Variants in SLAMF7 observed in about 807,000 individuals in gnomAD.
SLAMF7 encodes the protein 19A24 protein.
A neutral mutation model predicts 34.1 loss-of-function variants in SLAMF7; 26 were observed. That is an observed-to-expected ratio of 0.76 (90% CI 0.56 to 1.06). SLAMF7 has a LOEUF of 1.06. Ranked by LOEUF, SLAMF7 falls within the 50% of genes least tolerant of loss-of-function variation. The probability of loss-of-function intolerance (pLI) is 0.00; values close to 1 mark genes in which losing one functional copy is unlikely to be tolerated. For synonymous variants in SLAMF7, 171 were observed against 156.4 expected, an observed-to-expected ratio of 1.09 and a Z score of -0.70; for missense variants, 399 against 402.5, an observed-to-expected ratio of 0.99 and a Z score of 0.07.
chr1:160,749,377 G>A (rs1268508313), intron 2 of SLAMF7, among the ~76,000 whole-genome samples: 1 of 152,204 alleles, frequency 6.6e-6, no homozygotes, highest in Admixed American at 6.5e-5. Flanking sequence ...AGGGGAGTGA[G>A]CACAGAGTAG....
chr1:160,750,428 A>C lies in SLAMF7; in HGVS notation c.769+5A>C. 1 of 1,612,778 alleles carries C rather than the reference A, an allele frequency of 6.2e-7. No individual in the cohort carries two copies. The highest frequency in any genetic ancestry group is 8.5e-7 in the Non-Finnish European group (1 of 1,179,426). On this transcript the variant is annotated splice_donor_5th_base_variant and intron_variant, in intron 4 of 6. Transcript: ENST00000368043. ...TGAAGAGAGAGAGACAAGAAGGTAG[A>C]GCGTGTACTATTTTTGTCCTCACCC... is the stretch of plus-strand genomic sequence containing the variant.
Position 160,749,860 on chromosome 1 carries a change from G to A in SLAMF7, c.416G>A (p.Ser139Asn), listed in dbSNP as rs1472873299. The A allele has an allele frequency of 2.5e-6, 4 of 1,612,664 alleles. No homozygotes were observed. The highest frequency in any genetic ancestry group is 1.7e-5 in the Admixed American group (1 of 59,868). Reference sequence around the variant, plus strand: ...CCTAAAGTCACCATGGGTCTGCAGAGCAATAAGAATGGCACCTGTGTGACC... The same window carrying A: ...CCTAAAGTCACCATGGGTCTGCAGAACAATAAGAATGGCACCTGTGTGACC... ...SKPKVTMGLQSNKNGTCVTNL... is the reference protein window; with the variant it reads ...SKPKVTMGLQNNKNGTCVTNL... Residue 139 changes from serine (S) to asparagine (N), a missense_variant, in exon 3 of 7, where the codon AGC becomes AAC. Coordinates refer to ENST00000368043, the MANE Select transcript of SLAMF7 (RefSeq NM_021181.5).
chr1:160,747,037 G>A (rs970554317), intron 1 of SLAMF7, among the ~76,000 whole-genome samples: 1 of 152,176 alleles, frequency 6.6e-6, no homozygotes, highest in African/African-American at 2.4e-5. Context: ...TTGCTTAAAT[G>A]AGCTCAATTA....
chr1:160,752,077 C>G, intron 5 of SLAMF7, 109 bp from the exon 6 acceptor site: 1 of 851,660 alleles, frequency 1.2e-6, no homozygotes, highest in Non-Finnish European at 1.9e-6. Context: ...CTCACATCTC[C>G]TCCCATCTCT....
intron 1 of SLAMF7, 32 bp downstream of exon 1, chr1:160,739,388 T>C: frequency 6.3e-7 from 1 of 1,594,226 alleles, no homozygotes; most frequent in African/African-American, 1.3e-5. Flanking sequence ...TCCACTCTCC[T>C]GTCTACCCCA....
intron 6 of SLAMF7, among the ~76,000 whole-genome samples, chr1:160,752,525 G>A (rs2101687305): frequency 6.6e-6 from 1 of 152,328 alleles, no homozygotes; most frequent in South Asian, 2.1e-4. Flanking sequence ...TCTGACTGAA[G>A]TTGCAGACAA....
chr1:160,751,628 C>T, intron 5 of SLAMF7, 180 bp downstream of exon 5: 1 of 554,422 alleles, frequency 1.8e-6, no homozygotes, highest in Non-Finnish European at 3.2e-6. Context: ...GCAGAAGAAG[C>T]TGGTGGTCTC....
intron 1 of SLAMF7, among the ~76,000 whole-genome samples, chr1:160,743,636 G>A (rs575793188): frequency 6.6e-6 from 1 of 152,370 alleles, no homozygotes; most frequent in African/African-American, 2.4e-5. Flanking sequence ...GTTGGCACCT[G>A]AGGAGAGTGG....
rs563226765 is a variant in SLAMF7, at chr1:160,747,878, G to A, written c.56-316G>A. On this transcript the variant is annotated intron_variant, in intron 1 of 6. Transcript: ENST00000368043. ...AATGCTCAGCTGGCCACTTCTGGAA[G>A]TTTCTTCAGCAGACATTCTTAACTG... Among the ~76,000 whole-genome samples, 106 of 143,520 alleles carry A rather than the reference G, an allele frequency of 7.4e-4. 1 individual carries two copies. The highest frequency in any genetic ancestry group is 1.1e-3 in the Non-Finnish European group (72 of 65,680). 94.2% of individuals were successfully genotyped at this position (143,520 alleles called of 152,430 possible). A position where few individuals can be genotyped will look rare whatever the true frequency, so the allele number is the denominator to read the frequency against.
intron 1 of SLAMF7, among the ~76,000 whole-genome samples, chr1:160,742,842 A>G (rs1663852328): frequency 6.6e-6 from 1 of 152,210 alleles, no homozygotes; most frequent in Non-Finnish European, 1.5e-5. Context: ...CTTAGGCTGT[A>G]TCTCACGGGG....
chr1:160,742,362 A>G (rs1342987171), intron 1 of SLAMF7, among the ~76,000 whole-genome samples: 2 of 152,140 alleles, frequency 1.3e-5, no homozygotes, highest in Non-Finnish European at 2.9e-5. Context: ...CGGGGGATGT[A>G]GTGGGGAATG....
In SLAMF7 at chr1:160,750,413, G is replaced by T; in HGVS notation, c.759G>T (p.Glu253Asp). The part of the protein sequence containing the change: ...LGLFLWFLKR[E>D]RQEEYIEEKK... ...TATTTCTTTGGTTTCTGAAGAGAGA[G>T]AGACAAGAAGGTAGAGCGTGTACTA... Residue 253 changes from glutamate (E) to aspartate (D), a missense_variant, in exon 4 of 7, where the codon GAG (glutamate) becomes GAT (aspartate). By Grantham distance (45) the Glu-to-Asp change is conservative. Transcript: ENST00000368043. 6.2e-7 allele frequency: 1 copy of T among 1,613,790 alleles called. No homozygotes were observed. Among genetic ancestry groups the T allele is most frequent in the Non-Finnish European group, 8.5e-7 (1 of 1,179,840 alleles).
intron 1 of SLAMF7, among the ~76,000 whole-genome samples, chr1:160,743,913 TCCTGACCTCAAGTGATCCTCCTGCTTCAG>T (rs1663937060): frequency 6.6e-6 from 1 of 152,206 alleles, no homozygotes; most frequent in Non-Finnish European, 1.5e-5. Flanking sequence ...GGTCTCAAAC[TCCTGACCTCAAGTGATCCTCCTGCTTCAG>T]CCTCCCAAAG....
chr1:160,743,027 G>A (rs3845629), intron 1 of SLAMF7, among the ~76,000 whole-genome samples: 1,693 of 152,284 alleles, frequency 0.011, 34 homozygotes, highest in African/African-American at 0.039. Flanking sequence ...GCTGGAGGAG[G>A]AGAAGCGACC....
At chr1:160,741,137 G>T (rs186568586) in intron 1 of SLAMF7, among the ~76,000 whole-genome samples, 2 of 152,154 alleles carry the variant, frequency 1.3e-5, no homozygotes, top group Non-Finnish European at 2.9e-5. Flanking sequence ...ACCAACAGGG[G>T]GCCACCCTGG....
In SLAMF7 at chr1:160,751,432, C is replaced by A. The variant is rs1161084708; in HGVS notation, c.857C>A (p.Thr286Lys). ...TCTGGAGAGAACACAGAGTACGACA[C>A]AATCCCTCACACTAATGTGAGTCCC... ...PHSGENTEYD[T>K]IPHTNRTILK... The change falls in exon 5 of 7, where the codon ACA (threonine) becomes AAA (lysine). Residue 286 changes from threonine to lysine, a missense_variant. Coordinates refer to ENST00000368043, the MANE Select transcript of SLAMF7 (RefSeq NM_021181.5). 2 of 1,612,998 alleles carry A rather than the reference C, an allele frequency of 1.2e-6. No individual in the cohort carries two copies. The highest frequency in any genetic ancestry group is 8.5e-7 in the Non-Finnish European group (1 of 1,179,106).
At chr1:160,749,526 C>T (rs1177555326) in intron 2 of SLAMF7, among the ~76,000 whole-genome samples, 2 of 152,198 alleles carry the variant, frequency 1.3e-5, no homozygotes, top group African/African-American at 2.4e-5. Context: ...ATCTAACATG[C>T]GTTATCACAG....
intron 6 of SLAMF7, 146 bp downstream of exon 6, chr1:160,752,394 G>T: frequency 1.6e-6 from 1 of 614,870 alleles, no homozygotes; most frequent in South Asian, 2.2e-5. Context: ...CTTTGCTTAG[G>T]GTTATACAAG....
chr1:160,750,516 G>T lies in SLAMF7; in HGVS notation c.769+93G>T, dbSNP rs1558059175. 14 of 1,468,904 alleles carry T rather than the reference G, an allele frequency of 9.5e-6. 1 individual carries two copies. In the East Asian group the frequency reaches 3.0e-4, roughly 31 times the overall value. 91.0% of individuals were successfully genotyped at this position (1,468,904 alleles called of 1,614,324 possible). A position where few individuals can be genotyped will look rare whatever the true frequency, so the allele number is the denominator to read the frequency against. ...CATATAGAGCTGTGTGCCAGACTTG[G>T]CATGAGGTGTTGAAGATGCAGAGAT... On this transcript the variant is annotated intron_variant, in intron 4 of 6. Coordinates refer to ENST00000368043, the MANE Select transcript of SLAMF7 (RefSeq NM_021181.5).
Sources: allele counts gnomAD v4.1 joint callset (sites outside exome capture counted in the v4.1 genomes callset), GRCh38; gene constraint gnomAD v4.1.1; transcripts MANE v1.5; gene names NCBI Gene and HGNC (gene_info 2026-07-23, HGNC 2026-07-21).